The following TNRC6A variants were observed in gnomAD, a reference collection of about 807,000 sequenced individuals.
The protein encoded by TNRC6A is trinucleotide repeat-containing gene 6A protein.
TNRC6A carries 44 observed loss-of-function variants against 221.2 expected under a neutral mutation model. The observed-to-expected ratio is 0.20, with a 90% CI of 0.16 to 0.26. TNRC6A has a LOEUF of 0.26. Ranked by LOEUF, TNRC6A falls within the 10% of genes least tolerant of loss-of-function variation. TNRC6A has a pLI of 1.00. For missense variants in TNRC6A, 2,199 were observed against 2,404.4 expected (o/e 0.91, Z 1.79); for synonymous variants, 847 against 838.5 (o/e 1.01, Z -0.18).
At chr16:24,730,356 C>G (rs1254730605) in intron 2 of TNRC6A, 56 bp downstream of exon 2, 4 of 1,581,156 alleles carry the variant, frequency 2.5e-6, no homozygotes, top group African/African-American at 2.8e-5. Context: ...ATTTCTACTC[C>G]GATTCGCCTT....
intron 5 of TNRC6A, 102 bp from the exon 6 acceptor site, chr16:24,789,130 G>A (rs1390614599): frequency 2.6e-6 from 3 of 1,174,976 alleles, no homozygotes; most frequent in African/African-American, 3.1e-5. Flanking sequence ...AAATTGAGGA[G>A]CCACATATAT....
chr16:24,767,585 A>G (rs937938784), intron 4 of TNRC6A, among the ~76,000 whole-genome samples: 1 of 152,074 alleles, frequency 6.6e-6, no homozygotes, highest in South Asian at 2.1e-4. Flanking sequence ...AAAACATACC[A>G]TTTTTCCAGA....
chr16:24,794,298 G>A (rs1276918668), intron 7 of TNRC6A, among the ~76,000 whole-genome samples: 1 of 152,096 alleles, frequency 6.6e-6, no homozygotes, highest in Admixed American at 6.6e-5. Context: ...CCATGTTCAA[G>A]AACTATGATT....
chr16:24,765,398 C>T (rs2057451678), intron 4 of TNRC6A, among the ~76,000 whole-genome samples: 1 of 152,114 alleles, frequency 6.6e-6, no homozygotes, highest in Non-Finnish European at 1.5e-5. Context: ...GTCTAGTCAC[C>T]CCATCTCCCC....
chr16:24,743,646 A>G (rs1039909860), intron 2 of TNRC6A, among the ~76,000 whole-genome samples: 1 of 152,240 alleles, frequency 6.6e-6, no homozygotes, highest in Non-Finnish European at 1.5e-5. Context: ...TTTCCGATGT[A>G]GAGAAATGCA....
chr16:24,729,684 TCGGCGG>T lies in TNRC6A; in HGVS notation c.-129_-124del, dbSNP rs57831728. 2.6e-3 allele frequency: 1,644 copies of T among 621,076 alleles called. 17 individuals are homozygous for T. The highest frequency in any genetic ancestry group is 0.011 in the East Asian group (296 of 26,174). The allele number at this position is 621,076 out of a possible 1,614,324, so 38.5% of individuals were successfully genotyped here. A position where few individuals can be genotyped will look rare whatever the true frequency, so the allele number is the denominator to read the frequency against. ...TCTGGGGCCTGCGGCGGCGGCGGTGTCGGCGGCGGCGGCGGCGGCGGCGGCGGCGGC... is the reference window on the plus strand; with the variant it reads ...TCTGGGGCCTGCGGCGGCGGCGGTGTCGGCGGCGGCGGCGGCGGCGGCGGC... On this transcript the variant is annotated 5_prime_UTR_variant, in exon 1 of 25. Coordinates refer to ENST00000395799, the MANE Select transcript of TNRC6A (RefSeq NM_014494.4).
At chr16:24,752,855 C>T (rs2057167870) in intron 3 of TNRC6A, among the ~76,000 whole-genome samples, 1 of 152,060 alleles carries the variant, frequency 6.6e-6, no homozygotes, top group Admixed American at 6.6e-5. Context: ...GCTGATAAGT[C>T]AGAATGTATG....
rs72768676 is a variant in TNRC6A, at chr16:24,743,421, G to A, written c.54-7305G>A. The stretch of plus-strand genomic sequence containing the variant: ...TCACTGTGCGACCTCTGCTTCCCTG[G>A]CTCAAGTGATCTTCCCGCCTCATCC... On this transcript the variant is annotated intron_variant, in intron 2 of 24. Coordinates refer to ENST00000395799, the MANE Select transcript of TNRC6A (RefSeq NM_014494.4). 8.2e-3 allele frequency among the ~76,000 whole-genome samples: 1,246 copies of A among 152,134 alleles called. 10 individuals carry two copies. Among genetic ancestry groups the A allele is most frequent in the Middle Eastern group, 0.041 (12 of 294 alleles).
chr16:24,733,214 G>GA (rs942640422), intron 2 of TNRC6A, among the ~76,000 whole-genome samples: 18 of 150,798 alleles, frequency 1.2e-4, no homozygotes, highest in South Asian at 2.1e-4. Context: ...TCTGAAAAAA[G>GA]AAAAAAAAAT....
At chr16:24,795,693 A>G in intron 8 of TNRC6A, 1 of 437,238 alleles carries the variant, frequency 2.3e-6, no homozygotes, top group Non-Finnish European at 4.1e-6. Context: ...TAGCTTATGA[A>G]GTGCTTTTAC....
chr16:24,675,538 G>T (rs1015690784), intron 2 of TNRC6A, among the ~76,000 whole-genome samples: 7 of 151,116 alleles, frequency 4.6e-5, no homozygotes, highest in African/African-American at 1.7e-4. Flanking sequence ...AAAATTAGCT[G>T]GGCATGGTGG....
chr16:24,623,420 G>A (rs1419374556), intron 1 of TNRC6A, among the ~76,000 whole-genome samples: 3 of 151,986 alleles, frequency 2.0e-5, no homozygotes, highest in African/African-American at 4.8e-5. Context: ...GGATGGTCTC[G>A]ATCTCCTGAC....
At chr16:24,752,265 G>A (rs991798507) in intron 3 of TNRC6A, among the ~76,000 whole-genome samples, 5 of 152,142 alleles carry the variant, frequency 3.3e-5, no homozygotes, top group Non-Finnish European at 4.4e-5. Context: ...AGATTGACTC[G>A]CAGGTTCCAG....
At chr16:24,729,089 G>A (rs896895866), upstream of TNRC6A, among the ~76,000 whole-genome samples, 4 of 151,968 alleles carry the variant, frequency 2.6e-5, no homozygotes, top group African/African-American at 9.7e-5. Flanking sequence ...GAAAATCCGT[G>A]CAGGCGGAAC....
exon 2 of TNRC6A, chr16:24,640,884 G>A (rs891440415): frequency 2.0e-5 from 3 of 152,256 alleles, no homozygotes; most frequent in African/African-American, 7.2e-5. Flanking sequence ...CCTTTCTCAG[G>A]TGTGAAAACT....
intron 1 of TNRC6A, 34 bp downstream of exon 1, chr16:24,729,880 G>A: frequency 7.9e-7 from 1 of 1,258,018 alleles, no homozygotes; most frequent in Non-Finnish European, 1.0e-6. Flanking sequence ...CCGGGCGGGA[G>A]GAGCCGCGGG....
intron 5 of TNRC6A, among the ~76,000 whole-genome samples, chr16:24,785,575 T>G (rs1208208768): frequency 6.6e-6 from 1 of 152,232 alleles, no homozygotes; most frequent in African/African-American, 2.4e-5. Flanking sequence ...ATTCTATTAT[T>G]TTTACCTCTC....
intron 2 of TNRC6A, among the ~76,000 whole-genome samples, chr16:24,681,274 CT>C (rs2055528477): frequency 1.3e-5 from 2 of 152,262 alleles, no homozygotes; most frequent in South Asian, 4.1e-4. Flanking sequence ...GTTGCCCAGG[CT>C]GGAGAGCAGT....
intron 2 of TNRC6A, among the ~76,000 whole-genome samples, chr16:24,658,735 TTACTC>T (rs2141895824): frequency 6.6e-6 from 1 of 152,252 alleles, no homozygotes; most frequent in East Asian, 1.9e-4. Context: ...ATTATTTATT[TTACTC>T]TAACCAACTC....
Sources: allele counts gnomAD v4.1 joint callset (sites outside exome capture counted in the v4.1 genomes callset), GRCh38; gene constraint gnomAD v4.1.1; transcripts MANE v1.5; gene names NCBI Gene and HGNC (gene_info 2026-07-23, HGNC 2026-07-21).